MYO1E: variants seen among roughly 807,000 people sequenced by gnomAD.
MYO1E encodes the protein unconventional myosin-Ie.
A neutral mutation model predicts 151.1 loss-of-function variants in MYO1E; 68 were observed. The observed-to-expected ratio is 0.45, with a 90% CI of 0.37 to 0.55. MYO1E has a LOEUF of 0.55. Ranked by LOEUF, MYO1E falls within the 20% of genes least tolerant of loss-of-function variation. The pLI is 0.00. For synonymous variants in MYO1E, 601 were observed against 501.7 expected, an observed-to-expected ratio of 1.20 and a Z score of -2.64; for missense variants, 1,363 against 1,389.3, an observed-to-expected ratio of 0.98 and a Z score of 0.30.
intron 1 of MYO1E, among the ~76,000 whole-genome samples, chr15:59,277,289 G>A (rs1302422507): frequency 3.9e-5 from 6 of 152,144 alleles, no homozygotes; most frequent in Non-Finnish European, 5.9e-5. Context: ...GCTCATACCT[G>A]TAATTCCAGA....
intron 3 of MYO1E, among the ~76,000 whole-genome samples, chr15:59,261,130 T>G (rs2140373732): frequency 6.6e-6 from 1 of 152,072 alleles, no homozygotes; most frequent in Non-Finnish European, 1.5e-5. Context: ...GGAGAATTGT[T>G]TGAACCCGGA....
chr15:59,160,336 CGTGTGTGTGTGTGTGT>C lies in MYO1E; in HGVS notation c.2785+721_2785+736del, dbSNP rs55633634. On this transcript the variant is annotated intron_variant, in intron 24 of 27. Coordinates refer to ENST00000288235, the MANE Select transcript of MYO1E (RefSeq NM_004998.4). ...AGTTAGACTGGGGTTTGAGGTAGTGCGTGTGTGTGTGTGTGTGTGTGTGTGTGTGTGTGTGTGTGTG... is the reference window on the plus strand; with the variant it reads ...AGTTAGACTGGGGTTTGAGGTAGTGCGTGTGTGTGTGTGTGTGTGTGTGTG... 9.5e-3 allele frequency among the ~76,000 whole-genome samples: 1,139 copies of C among 120,156 alleles called. 16 individuals are homozygous for C. The highest frequency in any genetic ancestry group is 0.032 in the African/African-American group (1,057 of 32,940). The allele number at this position is 120,156 out of a possible 152,430, so 78.8% of individuals were successfully genotyped here. A position where few individuals can be genotyped will look rare whatever the true frequency, so the allele number is the denominator to read the frequency against.
chr15:59,139,367 C>A (rs1210287084), intron 26 of MYO1E, among the ~76,000 whole-genome samples: 1 of 148,332 alleles, frequency 6.7e-6, no homozygotes, highest in Non-Finnish European at 1.5e-5. Flanking sequence ...TTACCTCCCA[C>A]CGCTCATTGT....
chr15:59,264,812 G>C (rs1158987994), intron 2 of MYO1E: 2 of 152,280 alleles, frequency 1.3e-5, no homozygotes, highest in Non-Finnish European at 2.9e-5. Flanking sequence ...CTTGAGCTCA[G>C]GAGTTCGAAA....
chr15:59,191,639 T>C (rs927206820), intron 17 of MYO1E, among the ~76,000 whole-genome samples: 8 of 152,230 alleles, frequency 5.3e-5, no homozygotes, highest in African/African-American at 1.4e-4. Context: ...ATTCCTCATG[T>C]TAAAACATTG....
At chr15:59,269,325 G>A (rs890325668) in intron 2 of MYO1E, among the ~76,000 whole-genome samples, 2 of 152,014 alleles carry the variant, frequency 1.3e-5, no homozygotes, top group African/African-American at 4.8e-5. Flanking sequence ...GTCACAAAAC[G>A]TTTCGGTCAC....
chr15:59,241,105 G>C (rs1338979833), intron 4 of MYO1E, among the ~76,000 whole-genome samples: 4 of 152,208 alleles, frequency 2.6e-5, no homozygotes, highest in African/African-American at 9.7e-5. Flanking sequence ...AATCAGCCAG[G>C]TGTGTTGCGT....
intron 17 of MYO1E, among the ~76,000 whole-genome samples, chr15:59,188,973 A>G (rs1485183353): frequency 6.6e-6 from 1 of 152,258 alleles, no homozygotes; most frequent in Admixed American, 6.5e-5. Context: ...AAGTTACAAA[A>G]GGGCATTTAA....
chr15:59,183,514 T>TG (rs1361266588), intron 18 of MYO1E, among the ~76,000 whole-genome samples: 3 of 151,976 alleles, frequency 2.0e-5, no homozygotes, highest in East Asian at 3.9e-4. Flanking sequence ...AAGTTTTTTT[T>TG]GGGGGGTGGA....
intron 1 of MYO1E, among the ~76,000 whole-genome samples, chr15:59,328,281 G>A (rs576522184): frequency 1.3e-5 from 2 of 152,222 alleles, no homozygotes; most frequent in South Asian, 2.1e-4. Flanking sequence ...GCTTAGTCCC[G>A]TCTACCTCCC....
intron 1 of MYO1E, among the ~76,000 whole-genome samples, chr15:59,348,409 T>C (rs1294092395): frequency 6.6e-6 from 1 of 152,236 alleles, no homozygotes; most frequent in East Asian, 1.9e-4. Context: ...AATTATGGCA[T>C]AGCCCACAAT....
intron 19 of MYO1E, among the ~76,000 whole-genome samples, chr15:59,175,425 G>A (rs1305085902): frequency 6.6e-6 from 1 of 152,140 alleles, no homozygotes; most frequent in Non-Finnish European, 1.5e-5. Context: ...CTGTTTATCC[G>A]GGTGCATGCT....
intron 1 of MYO1E, among the ~76,000 whole-genome samples, chr15:59,303,908 G>C (rs1355705348): frequency 6.6e-6 from 1 of 151,926 alleles, no homozygotes; most frequent in East Asian, 1.9e-4. Flanking sequence ...TCACAGTTAA[G>C]AGTTTCCATA....
intron 1 of MYO1E, among the ~76,000 whole-genome samples, chr15:59,280,576 C>T (rs888778174): frequency 1.3e-5 from 2 of 149,246 alleles, no homozygotes; most frequent in Non-Finnish European, 3.0e-5. Context: ...GAGCTGAGAT[C>T]GCGCCATTGC....
intron 8 of MYO1E, 103 bp from the exon 9 acceptor site, chr15:59,223,294 C>G (rs993158117): frequency 7.9e-7 from 1 of 1,270,616 alleles, no homozygotes; most frequent in Non-Finnish European, 1.1e-6. Flanking sequence ...AAGGATGTGA[C>G]AAGTACAGAC....
At chr15:59,183,457 C>T (rs2079676838) in intron 18 of MYO1E, among the ~76,000 whole-genome samples, 1 of 151,988 alleles carries the variant, frequency 6.6e-6, no homozygotes, top group African/African-American at 2.4e-5. Context: ...GCCTCAGCCT[C>T]CCAGTGTTCT....
chr15:59,216,972 T>C (rs2079922657), intron 10 of MYO1E, among the ~76,000 whole-genome samples: 1 of 151,884 alleles, frequency 6.6e-6, no homozygotes, highest in African/African-American at 2.4e-5. Flanking sequence ...CCAACCATTA[T>C]GTTATGAGGA....
intron 26 of MYO1E, among the ~76,000 whole-genome samples, chr15:59,140,079 T>C (rs955741135): frequency 6.6e-6 from 1 of 152,112 alleles, no homozygotes; most frequent in Admixed American, 6.6e-5. Context: ...TGTGTGTGTG[T>C]GTGTGTGTAT....
At chr15:59,204,238 G>A (rs2079819018) in intron 15 of MYO1E, among the ~76,000 whole-genome samples, 1 of 152,208 alleles carries the variant, frequency 6.6e-6, no homozygotes, top group African/African-American at 2.4e-5. Context: ...TGGTGTGGCT[G>A]CAAGGAAGCG....
Sources: allele counts gnomAD v4.1 joint callset (sites outside exome capture counted in the v4.1 genomes callset), GRCh38; gene constraint gnomAD v4.1.1; transcripts MANE v1.5; gene names NCBI Gene and HGNC (gene_info 2026-07-23, HGNC 2026-07-21).